WDFY4: variants seen among roughly 807,000 people sequenced by gnomAD.
WDFY4 encodes the protein WD repeat- and FYVE domain-containing protein 4.
In WDFY4, 169 loss-of-function variants were observed where a neutral mutation model predicts 351.9. The observed-to-expected ratio is 0.48, with a 90% CI of 0.42 to 0.55. The LOEUF is 0.55. WDFY4 is among the 20% of genes least tolerant of loss of function. The pLI, the probability that WDFY4 is intolerant of heterozygous loss-of-function variation, is 0.00. For synonymous variants in WDFY4, 1,622 were observed against 1,574.6 expected (o/e 1.03, Z -0.71); for missense variants, 3,803 against 3,935.6 (o/e 0.97, Z 0.90).
intron 28 of WDFY4, among the ~76,000 whole-genome samples, chr10:48,808,166 G>GAGTAAC (rs148719343): frequency 1.3e-5 from 2 of 152,328 alleles, no homozygotes; most frequent in East Asian, 3.9e-4. Flanking sequence ...AAGTGGACAT[G>GAGTAAC]AGTAACTAGA....
intron 43 of WDFY4, among the ~76,000 whole-genome samples, chr10:48,888,239 T>C (rs1294063204): frequency 6.6e-6 from 1 of 151,718 alleles, no homozygotes. Context: ...CCTCAATTCA[T>C]CCTCCGTCTC....
rs1034769933 is a variant in WDFY4 at position 48,946,071 on chromosome 10, G to A, written c.7781G>A (p.Arg2594Gln). The change falls in exon 50 of 62, where the codon CGG (arginine) becomes CAG (glutamine). Residue 2594 changes from arginine (R) to glutamine (Q), a missense_variant. By Grantham distance (43) the Arg-to-Gln change is conservative (BLOSUM62 1). Coordinates refer to ENST00000325239, the MANE Select transcript of WDFY4 (RefSeq NM_001394531.1). Reference sequence around the variant, plus strand: ...AACTTGGCAAATCCGAAGATTTTCCGGGATCTTTCAAAGCCCATGGGGGCT... The same window carrying A: ...AACTTGGCAAATCCGAAGATTTTCCAGGATCTTTCAAAGCCCATGGGGGCT... ...TLNLANPKIFRDLSKPMGAQT... is the reference protein window; with the variant it reads ...TLNLANPKIFQDLSKPMGAQT... 18 of 1,544,826 alleles carry A rather than the reference G, an allele frequency of 1.2e-5. No individual in the cohort carries two copies. The highest frequency in any genetic ancestry group is 2.0e-5 in the Admixed American group (1 of 48,978).
intron 44 of WDFY4, among the ~76,000 whole-genome samples, chr10:48,891,024 G>A (rs1357533540): frequency 6.6e-6 from 1 of 152,180 alleles, no homozygotes; most frequent in African/African-American, 2.4e-5. Context: ...TTCAGTCGCC[G>A]TCAACTTACT....
chr10:48,828,451 A>G (rs552083411), intron 36 of WDFY4, among the ~76,000 whole-genome samples: 1 of 152,302 alleles, frequency 6.6e-6, no homozygotes, highest in East Asian at 1.9e-4. Context: ...GGCAGGGTTC[A>G]ATTCTTTGGG....
chr10:48,863,524 G>A (rs900108744), intron 39 of WDFY4, among the ~76,000 whole-genome samples: 5 of 152,082 alleles, frequency 3.3e-5, no homozygotes, highest in African/African-American at 4.8e-5. Context: ...TTTGGATCCA[G>A]TGTCCATTTT....
In WDFY4 at chr10:48,766,092, G is replaced by A. The variant is rs147195321; in HGVS notation, c.2553+5652G>A. ...CATAAGGGCAGGCTATTTGAAAAGA[G>A]CCATTTCCACCAACAAGGAAATTGG... On this transcript the variant is annotated intron_variant, in intron 13 of 61. Coordinates refer to ENST00000325239, the MANE Select transcript of WDFY4 (RefSeq NM_001394531.1). 2.6e-5 allele frequency among the ~76,000 whole-genome samples: 4 copies of A among 152,326 alleles called. No homozygotes were observed. In the East Asian group the frequency reaches 7.7e-4, roughly 29 times the overall value.
At chr10:48,692,679 A>T (rs1565096543) in intron 1 of WDFY4, among the ~76,000 whole-genome samples, 5 of 152,188 alleles carry the variant, frequency 3.3e-5, no homozygotes, top group Non-Finnish European at 7.3e-5. Flanking sequence ...AAAATGATTG[A>T]TTTGGGAATT....
chr10:48,982,109 G>C (rs777763303), intron 61 of WDFY4, among the ~76,000 whole-genome samples: 1 of 152,216 alleles, frequency 6.6e-6, no homozygotes, highest in Non-Finnish European at 1.5e-5. Context: ...ATGCTGGGTG[G>C]GGCGGAGTGG....
intron 47 of WDFY4, among the ~76,000 whole-genome samples, chr10:48,930,150 C>T (rs1311925914): frequency 6.6e-6 from 1 of 152,170 alleles, no homozygotes; most frequent in African/African-American, 2.4e-5. Context: ...AAGGTCAATC[C>T]TGATTCCCAT....
In WDFY4 at chr10:48,804,777, G is replaced by GGT. The variant is rs1555017755; in HGVS notation, c.4485-482_4485-481insTG. On this transcript the variant is annotated intron_variant, in intron 25 of 61. Coordinates refer to ENST00000325239, the MANE Select transcript of WDFY4 (RefSeq NM_001394531.1). ...ATTGGATTTGTGAGTATCTGAGGGA[G>GGT]GGGGTATGGATAGGTGGATTCTGTC... is the stretch of plus-strand genomic sequence containing the variant. The GGT allele has an allele frequency of 8.8e-6, 8 of 911,738 alleles. No homozygotes were observed. The African/African-American group carries it at 2.1e-4, about 24-fold the overall frequency. 56.5% of individuals were successfully genotyped at this position (911,738 alleles called of 1,614,324 possible).
chr10:48,868,333 T>C (rs891855411), intron 40 of WDFY4, among the ~76,000 whole-genome samples: 5 of 152,158 alleles, frequency 3.3e-5, no homozygotes, highest in African/African-American at 1.2e-4. Flanking sequence ...AAACGAGGTT[T>C]GGTGTGTACA....
At chr10:48,919,593 T>A (rs757239394) in intron 47 of WDFY4, among the ~76,000 whole-genome samples, 11 of 152,246 alleles carry the variant, frequency 7.2e-5, no homozygotes, top group Non-Finnish European at 1.6e-4. Context: ...AGATTTGCCA[T>A]CTGGTAAGAG....
rs746939320 is a variant in WDFY4, at chr10:48,790,712, C to A, written c.4067-15C>A. On this transcript the variant is annotated splice_polypyrimidine_tract_variant and intron_variant, in intron 22 of 61. Transcript: ENST00000325239. ...CTGTGACATGTTGATGAAATGCCCA[C>A]TTTATGCCACACAGGGGTGAGGGTA... The A allele has an allele frequency of 1.3e-6, 2 of 1,550,120 alleles. No homozygotes were observed. Among genetic ancestry groups the A allele is most frequent in the South Asian group, 1.2e-5 (1 of 83,928 alleles).
chr10:48,976,821 G>T lies in WDFY4; in HGVS notation c.9133G>T (p.Ala3045Ser). ...VSGTIVSCAG[A>S]HLSLWNVNGQ... is the part of the protein sequence containing the mutation. ...GGGCACCATTGTCTCCTGTGCGGGA[G>T]CACACTTGTCCCTGTGGAATGTCAA... The change falls in exon 59 of 62, where the codon GCA becomes TCA. Residue 3045 changes from alanine to serine, a missense_variant. Ala to Ser is a moderately conservative substitution (Grantham distance 99). Around this residue, in one of 3 missense-constraint regions of WDFY4, gnomAD observed 3,054 missense variants for 3,148.6 expected, o/e 0.97. Coordinates refer to ENST00000325239, the MANE Select transcript of WDFY4 (RefSeq NM_001394531.1). The T allele has an allele frequency of 6.7e-7, 1 of 1,494,444 alleles. No individual in the cohort carries two copies. The highest frequency in any genetic ancestry group is 2.6e-5 in the East Asian group (1 of 37,974). 92.6% of individuals were successfully genotyped at this position (1,494,444 alleles called of 1,614,324 possible). A position where few individuals can be genotyped will look rare whatever the true frequency, so the allele number is the denominator to read the frequency against.
In WDFY4 at chr10:48,864,439, T is replaced by C. The variant is rs551087309; in HGVS notation, c.6664-2826T>C. Among the ~76,000 whole-genome samples the C allele has an allele frequency of 4.6e-5, 7 of 152,356 alleles. No individual in the cohort carries two copies. The South Asian group carries it at 1.5e-3, about 32-fold the overall frequency. On this transcript the variant is annotated intron_variant, in intron 39 of 61. Transcript: ENST00000325239. ...CTCTCAATTTTATTCCATTGATGTA[T>C]ATATCTATTCTTATGCCAGTGCTGC...
At chr10:48,700,118 G>A (rs184238300) in intron 1 of WDFY4, among the ~76,000 whole-genome samples, 8 of 152,168 alleles carry the variant, frequency 5.3e-5, no homozygotes, top group Middle Eastern at 3.2e-3. Context: ...TAGGCTGAAG[G>A]TTCACCTCCC....
chr10:48,980,245 T>A (rs368436259), intron 60 of WDFY4: 8 of 152,282 alleles, frequency 5.3e-5, no homozygotes, highest in East Asian at 3.9e-4. Flanking sequence ...TATGTGCAGA[T>A]TTACAAGCCT....
intron 61 of WDFY4, 135 bp from the exon 62 acceptor site, chr10:48,982,374 C>T (rs77872195): frequency 0.037 from 24,146 of 658,670 alleles, 547 homozygotes; most frequent in Non-Finnish European, 0.047. Flanking sequence ...GCCTCCCCTG[C>T]CTCAAGGGAG....
At chr10:48,927,376 G>A (rs1839660587) in intron 47 of WDFY4, among the ~76,000 whole-genome samples, 1 of 152,162 alleles carries the variant, frequency 6.6e-6, no homozygotes, top group Non-Finnish European at 1.5e-5. Context: ...GTGGGTGGTG[G>A]GGGGAGGGGA....
Sources: allele counts gnomAD v4.1 joint callset (sites outside exome capture counted in the v4.1 genomes callset), GRCh38; gene constraint gnomAD v4.1.1; regional missense constraint gnomAD v4.1.1; transcripts MANE v1.5; gene names NCBI Gene and HGNC (gene_info 2026-07-23, HGNC 2026-07-21).